Variants in EIF4G3 observed in about 807,000 individuals in gnomAD.
The protein encoded by EIF4G3 is eIF-4-gamma 3.
In EIF4G3, 34 loss-of-function variants were observed where a neutral mutation model predicts 186.4. The ratio of observed to expected loss-of-function variants is 0.18; its 90% CI spans 0.14 to 0.24. The LOEUF (loss-of-function observed/expected upper bound fraction) is 0.24, where lower values mean the gene tolerates loss of function less well. EIF4G3 is among the 10% of genes least tolerant of loss of function. The pLI, the probability that EIF4G3 is intolerant of heterozygous loss-of-function variation, is 1.00. For synonymous variants in EIF4G3, 673 were observed against 679.5 expected (o/e 0.99, Z 0.15); for missense variants, 1,536 against 1,948.5 (o/e 0.79, Z 3.99).
At chr1:20,918,000 CTTT>C (rs751186179) in intron 14 of EIF4G3, among the ~76,000 whole-genome samples, 31 of 152,062 alleles carry the variant, frequency 2.0e-4, no homozygotes, top group Non-Finnish European at 3.5e-4. Context: ...ATTCCAAGGG[CTTT>C]TTTTCTTCCT....
chr1:21,070,606 A>C (rs2095413847), intron 3 of EIF4G3, among the ~76,000 whole-genome samples: 1 of 152,198 alleles, frequency 6.6e-6, no homozygotes, highest in Admixed American at 6.5e-5. Context: ...AAAACTCCTT[A>C]ATGAAAAGAA....
At chr1:20,990,773 A>C (rs940325369) in intron 7 of EIF4G3, among the ~76,000 whole-genome samples, 6 of 152,218 alleles carry the variant, frequency 3.9e-5, no homozygotes, top group Admixed American at 3.3e-4. Context: ...TAACATATAT[A>C]CACTGGGAAA....
chr1:21,163,068 AG>A (rs1452837562), intron 2 of EIF4G3, among the ~76,000 whole-genome samples: 5 of 152,190 alleles, frequency 3.3e-5, no homozygotes, highest in African/African-American at 1.2e-4. Flanking sequence ...CACCTTTCAA[AG>A]ACACTTCTTT....
At chr1:20,844,076 T>C (rs190172180) in intron 29 of EIF4G3, among the ~76,000 whole-genome samples, 11 of 152,342 alleles carry the variant, frequency 7.2e-5, no homozygotes, top group Non-Finnish European at 1.5e-4. Flanking sequence ...TTTAGGTTGA[T>C]TGCATGTTTT....
At chr1:21,160,829 C>T (rs1351618043) in intron 2 of EIF4G3, among the ~76,000 whole-genome samples, 1 of 152,168 alleles carries the variant, frequency 6.6e-6, no homozygotes, top group Non-Finnish European at 1.5e-5. Flanking sequence ...GGGGTCTCTC[C>T]TTCCAGCACA....
chr1:21,144,330 C>A (rs567698608), intron 2 of EIF4G3, among the ~76,000 whole-genome samples: 1 of 152,264 alleles, frequency 6.6e-6, no homozygotes, highest in South Asian at 2.1e-4. Context: ...CTCATTCTAG[C>A]CTCAATCTTG....
chr1:20,894,081 T>C (rs2087057653), intron 17 of EIF4G3, among the ~76,000 whole-genome samples: 1 of 152,096 alleles, frequency 6.6e-6, no homozygotes, highest in African/African-American at 2.4e-5. Flanking sequence ...TAGTAAAGAA[T>C]GTACTATGAG....
chr1:20,817,379 A>G lies in EIF4G3; in HGVS notation c.4515+13T>C, dbSNP rs532629116. 161 of 1,512,842 alleles carry G rather than the reference A, an allele frequency of 1.1e-4. 1 individual carries two copies. Among genetic ancestry groups the G allele is most frequent in the Middle Eastern group, 8.8e-4 (5 of 5,664 alleles). The allele number at this position is 1,512,842 out of a possible 1,614,324, so 93.7% of individuals were successfully genotyped here. A position where few individuals can be genotyped will look rare whatever the true frequency, so the allele number is the denominator to read the frequency against. ...CTGTAGAGGTATCAGGGAAGGTGAC[A>G]TAGTCTTTATACCTCTACCCAGTCA... On this transcript the variant is annotated intron_variant, in intron 34 of 36. Transcript: ENST00000602326.
At chr1:20,963,931 C>A (rs919135325) in intron 12 of EIF4G3, among the ~76,000 whole-genome samples, 438 of 122,354 alleles carry the variant, frequency 3.6e-3, no homozygotes, top group African/African-American at 3.9e-3. Flanking sequence ...GACTCCATCT[C>A]AAAAAAAAAA....
chr1:20,993,992 G>A (rs1291412176), intron 7 of EIF4G3, among the ~76,000 whole-genome samples: 1 of 152,206 alleles, frequency 6.6e-6, no homozygotes, highest in Non-Finnish European at 1.5e-5. Flanking sequence ...AAGATACTGT[G>A]AAATACAGAT....
intron 6 of EIF4G3, chr1:20,999,476 C>A: frequency 3.3e-6 from 1 of 300,368 alleles, no homozygotes; most frequent in Non-Finnish European, 6.7e-6. Flanking sequence ...CAAAATTAAC[C>A]TGAGTATGGC....
At chr1:20,862,355 T>TC in intron 22 of EIF4G3, 23 bp from the exon 23 acceptor site, 1 of 1,357,186 alleles carries the variant, frequency 7.4e-7, no homozygotes, top group Non-Finnish European at 1.0e-6. Context: ...AAATCATTAG[T>TC]ACTCCTGTCT....
chr1:21,023,249 TC>T (rs1203366448), intron 4 of EIF4G3, among the ~76,000 whole-genome samples: 101 of 22,324 alleles, frequency 4.5e-3, no homozygotes, highest in African/African-American at 0.018. Context: ...CCCCTCCCCC[TC>T]CCCCCCTCCC....
At chr1:20,806,322 G>A (rs558491510), downstream of EIF4G3, 5 of 152,622 alleles carry the variant, frequency 3.3e-5, no homozygotes, top group East Asian at 1.9e-4. Context: ...ATGCACATAC[G>A]TGCGCATACA....
intron 30 of EIF4G3, among the ~76,000 whole-genome samples, chr1:20,837,954 G>C (rs2067249289): frequency 6.6e-6 from 1 of 152,168 alleles, no homozygotes; most frequent in Non-Finnish European, 1.5e-5. Context: ...AAGCATCGAA[G>C]GTTAGGCCTG....
At chr1:21,000,128 T>TA (rs5772930) in intron 6 of EIF4G3, among the ~76,000 whole-genome samples, 54,427 of 145,612 alleles carry the variant, frequency 0.37, 10,409 homozygotes, top group Non-Finnish European at 0.43. Context: ...GACAGGCTAT[T>TA]AAAAAAAAAA....
At chr1:21,121,413 G>A (rs1296620860) in intron 2 of EIF4G3, among the ~76,000 whole-genome samples, 1 of 152,076 alleles carries the variant, frequency 6.6e-6, no homozygotes, top group East Asian at 1.9e-4. Context: ...CTCAATTTAT[G>A]AGTGCAAATT....
At chr1:21,155,640 T>G (rs896963732) in intron 2 of EIF4G3, among the ~76,000 whole-genome samples, 1 of 152,078 alleles carries the variant, frequency 6.6e-6, no homozygotes, top group Non-Finnish European at 1.5e-5. Flanking sequence ...GAGTTTGCAG[T>G]GAGCTATGAC....
chr1:21,061,481 A>G (rs1345051608), intron 3 of EIF4G3, among the ~76,000 whole-genome samples: 1 of 152,234 alleles, frequency 6.6e-6, no homozygotes, highest in Non-Finnish European at 1.5e-5. Flanking sequence ...TGTTGAATAC[A>G]TGAATCTAAG....
Sources: gnomAD v4.1 joint callset for allele counts (sites outside exome capture counted in the v4.1 genomes callset) on GRCh38, gnomAD v4.1.1 for gene constraint, MANE v1.5 for transcripts, NCBI Gene and HGNC (gene_info 2026-07-23, HGNC 2026-07-21) for gene names.